RNGTT: variants seen among roughly 807,000 people sequenced by gnomAD.
RNGTT encodes the protein mRNA-capping enzyme.
RNGTT carries 33 observed loss-of-function variants against 79.3 expected under a neutral mutation model. The observed-to-expected ratio is 0.42, with a 90% CI of 0.32 to 0.56. The LOEUF (loss-of-function observed/expected upper bound fraction) is 0.56. Among genes scored for constraint, RNGTT ranks in the 20% least tolerant of loss-of-function variants. The pLI is 0.17. For synonymous variants in RNGTT, 222 were observed against 235.9 expected (o/e 0.94, Z 0.54); for missense variants, 497 against 739.1 (o/e 0.67, Z 3.80).
At chr6:88,799,819 C>T (rs1779726941) in intron 12 of RNGTT, among the ~76,000 whole-genome samples, 1 of 151,766 alleles carries the variant, frequency 6.6e-6, no homozygotes, top group Admixed American at 6.6e-5. Flanking sequence ...ATTTTTCCTA[C>T]ATATGCCATA....
intron 1 of RNGTT, among the ~76,000 whole-genome samples, chr6:88,949,348 T>C (rs570022120): frequency 1.0e-4 from 15 of 146,658 alleles, no homozygotes; most frequent in Admixed American, 1.0e-3. Context: ...ACAACCTCTA[T>C]CCACCTCCCA....
chr6:88,621,743 C>T (rs999961251), intron 14 of RNGTT, among the ~76,000 whole-genome samples: 7 of 151,916 alleles, frequency 4.6e-5, no homozygotes, highest in African/African-American at 1.7e-4. Flanking sequence ...GATTAAAAAC[C>T]AAAATGGAGT....
In RNGTT at chr6:88,610,037, T is replaced by C. The variant is rs924905863; in HGVS notation, c.*2682A>G. Among the ~76,000 whole-genome samples, 3 of 152,222 alleles carry C rather than the reference T, an allele frequency of 2.0e-5. No individual in the cohort carries two copies. The highest frequency in any genetic ancestry group is 4.4e-5 in the Non-Finnish European group (3 of 68,040). ...ATAATATAAACATCATATAAAGATG[T>C]GCTTTCTCCCATTCCTCTCCACTTC... On this transcript the variant is annotated 3_prime_UTR_variant, in exon 16 of 16. Transcript: ENST00000369485.
In RNGTT at chr6:88,844,488, G is replaced by A. The variant is rs1335942203; in HGVS notation, c.1138C>T (p.Arg380Cys). The A allele has an allele frequency of 3.7e-6, 6 of 1,611,212 alleles. No homozygotes were observed. The East Asian group carries it at 6.7e-5, about 18-fold the overall frequency. ...ATTTCTCGTTCTATACACTGCAGAC[G>A]AACATTAAAATCACAATCTCCAACG... ...QPVGDCDFNV[R>C]LQCIEREIIS... is the part of the protein sequence containing the mutation. The change falls in exon 11 of 16, where the codon CGT becomes TGT. Residue 380 changes from arginine to cysteine, a missense_variant. Arg to Cys is a radical substitution (Grantham distance 180). Coordinates refer to ENST00000369485, the MANE Select transcript of RNGTT (RefSeq NM_003800.5).
At chr6:88,724,923 G>C (rs1217300801) in intron 13 of RNGTT, among the ~76,000 whole-genome samples, 1 of 152,072 alleles carries the variant, frequency 6.6e-6, no homozygotes, top group Non-Finnish European at 1.5e-5. Context: ...CTAACCAATA[G>C]GGGAAGGACA....
At chr6:88,796,670 T>C (rs925518413) in intron 12 of RNGTT, among the ~76,000 whole-genome samples, 1 of 152,100 alleles carries the variant, frequency 6.6e-6, no homozygotes, top group Non-Finnish European at 1.5e-5. Context: ...AAAATACACT[T>C]TTCTCTATGA....
chr6:88,810,020 C>T (rs1416996512), intron 11 of RNGTT, among the ~76,000 whole-genome samples: 1 of 152,070 alleles, frequency 6.6e-6, no homozygotes, highest in East Asian at 1.9e-4. Flanking sequence ...TGCACTCCAA[C>T]CTGGGCAACA....
intron 11 of RNGTT, among the ~76,000 whole-genome samples, chr6:88,822,187 C>G (rs936210209): frequency 6.6e-6 from 1 of 151,926 alleles, no homozygotes; most frequent in Non-Finnish European, 1.5e-5. Flanking sequence ...GAAAAGGAAA[C>G]AAGTAGAGAT....
chr6:88,672,485 A>G (rs958524690), intron 14 of RNGTT, among the ~76,000 whole-genome samples: 3 of 152,156 alleles, frequency 2.0e-5, no homozygotes, highest in Non-Finnish European at 4.4e-5. Flanking sequence ...GTTCTCACTC[A>G]TAAGTAGGAG....
intron 4 of RNGTT, among the ~76,000 whole-genome samples, chr6:88,912,829 C>T (rs2127946582): frequency 6.6e-6 from 1 of 152,186 alleles, no homozygotes; most frequent in African/African-American, 2.4e-5. Context: ...AACTTCACAA[C>T]TGAAGAAGGA....
chr6:88,831,437 T>C (rs1780861607), intron 11 of RNGTT, among the ~76,000 whole-genome samples: 2 of 152,148 alleles, frequency 1.3e-5, no homozygotes, highest in Non-Finnish European at 1.5e-5. Context: ...ATGGAACTTA[T>C]CTCAAAATAA....
chr6:88,765,849 C>G (rs1778442109), intron 13 of RNGTT, among the ~76,000 whole-genome samples: 1 of 152,054 alleles, frequency 6.6e-6, no homozygotes, highest in African/African-American at 2.4e-5. Flanking sequence ...CTCTTGCTCT[C>G]CAGGTGTTTA....
At chr6:88,666,640 TAA>T (rs1455120427) in intron 14 of RNGTT, among the ~76,000 whole-genome samples, 2 of 152,192 alleles carry the variant, frequency 1.3e-5, no homozygotes, top group African/African-American at 2.4e-5. Context: ...GGTGTTGGAC[TAA>T]GTTTATTCTA....
At chr6:88,898,987 T>C (rs1783355069) in intron 6 of RNGTT, among the ~76,000 whole-genome samples, 1 of 151,784 alleles carries the variant, frequency 6.6e-6, no homozygotes, top group African/African-American at 2.4e-5. Context: ...TGAAGGATTA[T>C]AAGTTTTCTT....
At chr6:88,915,622 G>A (rs1224444041) in intron 4 of RNGTT, among the ~76,000 whole-genome samples, 5 of 152,176 alleles carry the variant, frequency 3.3e-5, no homozygotes, top group African/African-American at 1.2e-4. Context: ...ATAGGAGGAA[G>A]AGAGGAACAA....
chr6:88,872,592 A>T (rs1402059192), intron 8 of RNGTT, among the ~76,000 whole-genome samples: 1 of 152,112 alleles, frequency 6.6e-6, no homozygotes, highest in Non-Finnish European at 1.5e-5. Flanking sequence ...AACAAAAAAG[A>T]CTCACCCAAC....
intron 6 of RNGTT, among the ~76,000 whole-genome samples, chr6:88,899,353 T>C (rs891844653): frequency 1.2e-4 from 18 of 151,968 alleles, no homozygotes; most frequent in African/African-American, 4.4e-4. Context: ...GCTCACTGAC[T>C]GCAGTCTCAA....
At chr6:88,866,709 A>T (rs921545814) in intron 8 of RNGTT, among the ~76,000 whole-genome samples, 4 of 152,212 alleles carry the variant, frequency 2.6e-5, no homozygotes, top group East Asian at 3.8e-4. Flanking sequence ...AATCTTCAAA[A>T]GCAATAAGGA....
At chr6:88,921,451 T>C (rs1784162671) in intron 4 of RNGTT, among the ~76,000 whole-genome samples, 1 of 152,218 alleles carries the variant, frequency 6.6e-6, no homozygotes. Flanking sequence ...CATGGAAATA[T>C]AAAGTTCTTG....
Sources: allele counts gnomAD v4.1 joint callset (sites outside exome capture counted in the v4.1 genomes callset), GRCh38; gene constraint gnomAD v4.1.1; transcripts MANE v1.5; gene names NCBI Gene and HGNC (gene_info 2026-07-23, HGNC 2026-07-21).